Variants in ADAMTS15 observed in about 807,000 individuals in gnomAD.
ADAMTS15 encodes ADAM metallopeptidase with thrombospondin type 1 motif 15.
In ADAMTS15, 35 loss-of-function variants were observed where a neutral mutation model predicts 79.1. The ratio of observed to expected loss-of-function variants is 0.44; its 90% CI spans 0.34 to 0.59. The LOEUF is 0.59. Among genes scored for constraint, ADAMTS15 ranks in the 20% least tolerant of loss-of-function variants. The probability of loss-of-function intolerance (pLI) is 0.02; values close to 1 mark genes in which losing one functional copy is unlikely to be tolerated. For missense variants in ADAMTS15, 1,324 were observed against 1,318.7 expected, an observed-to-expected ratio of 1.00 and a Z score of -0.06; for synonymous variants, 616 against 567.3, an observed-to-expected ratio of 1.09 and a Z score of -1.22.
chr11:130,455,507 G>T (rs944507274), intron 1 of ADAMTS15, among the ~76,000 whole-genome samples: 3 of 152,230 alleles, frequency 2.0e-5, no homozygotes, highest in African/African-American at 7.2e-5. Flanking sequence ...GTAGGTGATT[G>T]TGGAAGGAAG....
At chr11:130,452,505 G>T (rs896925956) in intron 1 of ADAMTS15, among the ~76,000 whole-genome samples, 10 of 152,334 alleles carry the variant, frequency 6.6e-5, no homozygotes, top group African/African-American at 2.4e-4. Context: ...CCGAGACTTG[G>T]TAGGCCCTCC....
Position 130,449,496 on chromosome 11 carries a change from G to C in ADAMTS15, c.523G>C (p.Gly175Arg). The C allele has an allele frequency of 6.4e-7, 1 of 1,556,608 alleles. No individual in the cohort carries two copies. The highest frequency in any genetic ancestry group is 1.4e-5 in the African/African-American group (1 of 73,966). Residue 175 changes from glycine to arginine, a missense_variant, in exon 1 of 8, where the codon GGG becomes CGG. Gly to Arg is a moderately radical substitution (Grantham distance 125, BLOSUM62 -2). Coordinates refer to ENST00000299164, the MANE Select transcript of ADAMTS15 (RefSeq NM_139055.4). The surrounding 1 kb of genome is among the most constrained non-coding windows in gnomAD (Gnocchi z 7.8). Reference protein sequence around the residue: ...GPSGDPTSRCGVASGWNPAIL... With the variant: ...GPSGDPTSRCRVASGWNPAIL... ...TTCCGGAGACCCCACCTCTCGCTGC[G>C]GGGTGGCCTCGGGCTGGAACCCCGC... is the stretch of plus-strand genomic sequence containing the variant.
chr11:130,474,925 T>G lies in ADAMTS15; in HGVS notation c.*1104T>G, dbSNP rs1938547370. 6.6e-6 allele frequency: 1 copy of G among 152,318 alleles called. No homozygotes were observed. Among genetic ancestry groups the G allele is most frequent in the Admixed American group, 6.5e-5 (1 of 15,292 alleles). 9.4% of individuals were successfully genotyped at this position (152,318 alleles called of 1,614,324 possible). A position where few individuals can be genotyped will look rare whatever the true frequency, so the allele number is the denominator to read the frequency against. The stretch of plus-strand genomic sequence containing the variant: ...GCTGAACATCTATGTGCCTATAAAC[T>G]CGTCTTCGTTCCAAACAGCTACTGC... On this transcript the variant is annotated 3_prime_UTR_variant, in exon 8 of 8. Coordinates refer to ENST00000299164, the MANE Select transcript of ADAMTS15 (RefSeq NM_139055.4).
intron 4 of ADAMTS15, among the ~76,000 whole-genome samples, chr11:130,467,431 C>T (rs767123023): frequency 7.2e-5 from 11 of 152,064 alleles, no homozygotes; most frequent in Admixed American, 1.3e-4. Context: ...GGTGGAAGGA[C>T]GGCGGTGGTG....
chr11:130,452,540 T>C (rs531048822), intron 1 of ADAMTS15, among the ~76,000 whole-genome samples: 98 of 152,378 alleles, frequency 6.4e-4, no homozygotes, highest in African/African-American at 2.3e-3. Flanking sequence ...CTTCTCTGTC[T>C]TTAGGTCCAA....
At position 130,448,921 on chromosome 11, in the gene ADAMTS15, G is replaced by T; in HGVS notation, c.-53G>T. On this transcript the variant is annotated 5_prime_UTR_variant, in exon 1 of 8. Coordinates refer to ENST00000299164, the MANE Select transcript of ADAMTS15 (RefSeq NM_139055.4). ...CTGCACGGAGACCGCGGCAGCGGCC[G>T]GAGAGCCCGGCCCAGCCCCTTCCCA... 13 of 1,363,556 alleles carry T rather than the reference G, an allele frequency of 9.5e-6. No individual in the cohort carries two copies. The highest frequency in any genetic ancestry group is 1.2e-5 in the Non-Finnish European group (13 of 1,041,362). 84.5% of individuals were successfully genotyped at this position (1,363,556 alleles called of 1,614,324 possible).
At chr11:130,459,438 T>A (rs1389760273) in intron 1 of ADAMTS15, among the ~76,000 whole-genome samples, 1 of 152,188 alleles carries the variant, frequency 6.6e-6, no homozygotes, top group African/African-American at 2.4e-5. Context: ...AGTGCTGGGA[T>A]TACAGGCATG....
intron 5 of ADAMTS15, among the ~76,000 whole-genome samples, chr11:130,470,209 T>TATATATATATATATAC (rs1491377478): frequency 3.3e-5 from 2 of 60,128 alleles, no homozygotes; most frequent in African/African-American, 1.9e-4. Flanking sequence ...TATATATATA[T>TATATATATATATATAC]GTATATATAT....
Position 130,473,332 on chromosome 11 carries a change from G to A in ADAMTS15, c.2364G>A (p.Lys788=). 6.2e-7 allele frequency: 1 copy of A among 1,612,996 alleles called. No individual in the cohort carries two copies. The highest frequency in any genetic ancestry group is 2.2e-5 in the East Asian group (1 of 44,868). ...PLTVEVLSVG[K]MTPPRVRYSF... ...CCGTGGAGGTCCTCTCCGTGGGGAA[G>A]ATGACACCGCCCCGGGTCCGCTACT... Residue 788 remains lysine, a synonymous_variant, in exon 8 of 8, where the codon AAG becomes AAA. Coordinates refer to ENST00000299164, the MANE Select transcript of ADAMTS15 (RefSeq NM_139055.4).
In ADAMTS15 at chr11:130,461,537, G is replaced by A; in HGVS notation, c.1006G>A (p.Gly336Ser). 1 of 1,614,174 alleles carries A rather than the reference G, an allele frequency of 6.2e-7. No homozygotes were observed. The highest frequency in any genetic ancestry group is 8.5e-7 in the Non-Finnish European group (1 of 1,180,034). ...TGACACCCTGGGCATGGCTGATGTG[G>A]GTACCATGTGTGACCCCAAGAGAAG... ...TCDTLGMADV[G>S]TMCDPKRSCS... is the part of the protein sequence containing the mutation. Residue 336 changes from glycine to serine, a missense_variant, in exon 2 of 8, where the codon GGT becomes AGT. Physicochemically the swap from Gly to Ser is moderately conservative, Grantham distance 56. Transcript: ENST00000299164.
At position 130,474,042 on chromosome 11, in the gene ADAMTS15, C is replaced by T; in HGVS notation, c.*221C>T. The T allele has an allele frequency of 3.4e-6, 2 of 585,956 alleles. No individual in the cohort carries two copies. The highest frequency in any genetic ancestry group is 5.6e-6 in the Non-Finnish European group (2 of 358,490). 36.3% of individuals were successfully genotyped at this position (585,956 alleles called of 1,614,324 possible). On this transcript the variant is annotated 3_prime_UTR_variant, in exon 8 of 8. Coordinates refer to ENST00000299164, the MANE Select transcript of ADAMTS15 (RefSeq NM_139055.4). ...CCCGCACAGTCTACCTCAGGCCCCG[C>T]TCCTCGGGCCGGTTGCGGGGAGAGG...
At chr11:130,452,947 C>T (rs1186408471) in intron 1 of ADAMTS15, among the ~76,000 whole-genome samples, 1 of 150,624 alleles carries the variant, frequency 6.6e-6, no homozygotes, top group Non-Finnish European at 1.5e-5. Context: ...TGCCACTGCA[C>T]TGCAGCCTGG....
chr11:130,462,668 A>T lies in ADAMTS15; in HGVS notation c.1430A>T (p.Gln477Leu). 6.2e-7 allele frequency: 1 copy of T among 1,613,628 alleles called. No homozygotes were observed. The highest frequency in any genetic ancestry group is 8.5e-7 in the Non-Finnish European group (1 of 1,179,630). ...KLWCTGKAKG[Q>L]MVCQTRHFPW... ...TGGTGCACCGGGAAGGCCAAGGGAC[A>T]GATGGTGTGCCAGACCCGCCACTTC... Residue 477 changes from glutamine (Q) to leucine (L), a missense_variant, in exon 4 of 8, where the codon CAG becomes CTG. Gln to Leu is a moderately radical substitution (Grantham distance 113, BLOSUM62 -2). Transcript: ENST00000299164. This position sits in a 1 kb window ranked among gnomAD's most constrained non-coding sequence, Gnocchi z 4.3.
chr11:130,461,673 TG>T (rs1565394101), intron 2 of ADAMTS15, 52 bp downstream of exon 2: 1 of 1,607,670 alleles, frequency 6.2e-7, no homozygotes, highest in Admixed American at 1.7e-5. Flanking sequence ...CTGGGGAGCC[TG>T]GAGGGTGGGA....
intron 2 of ADAMTS15, 124 bp from the exon 3 acceptor site, chr11:130,461,963 G>A (rs966462424): frequency 1.7e-5 from 19 of 1,135,330 alleles, no homozygotes; most frequent in African/African-American, 1.5e-4. Context: ...GCAGTCTGTC[G>A]ATAGTTGGCA....
At chr11:130,460,715 C>T (rs1459217511) in intron 1 of ADAMTS15, among the ~76,000 whole-genome samples, 1 of 152,190 alleles carries the variant, frequency 6.6e-6, no homozygotes, top group Non-Finnish European at 1.5e-5. Context: ...CCCCGGAAGC[C>T]CTATCCTGCC....
rs945046408 is a variant in ADAMTS15, at chr11:130,462,605, C to T, written c.1367C>T (p.Ser456Phe). The T allele has an allele frequency of 1.9e-6, 3 of 1,613,916 alleles. No individual in the cohort carries two copies. Among genetic ancestry groups the T allele is most frequent in the Non-Finnish European group, 2.5e-6 (3 of 1,179,908 alleles). Residue 456 changes from serine to phenylalanine, a missense_variant, in exon 4 of 8, where the codon TCC becomes TTC. Ser to Phe is a radical substitution (Grantham distance 155, BLOSUM62 -2). Coordinates refer to ENST00000299164, the MANE Select transcript of ADAMTS15 (RefSeq NM_139055.4). The surrounding 1 kb of genome is among the most constrained non-coding windows in gnomAD (Gnocchi z 4.3). ...TGCGAGCTGGCTTTTGGCGTGGGCT[C>T]CAAGCCCTGTCCTTACATGCAGTAC... is the stretch of plus-strand genomic sequence containing the variant. ...QQCELAFGVG[S>F]KPCPYMQYCT...
At chr11:130,454,799 A>C (rs191830093) in intron 1 of ADAMTS15, among the ~76,000 whole-genome samples, 159 of 152,300 alleles carry the variant, frequency 1.0e-3, no homozygotes, top group African/African-American at 3.8e-3. Flanking sequence ...TAATGTCAGC[A>C]GATGGGGGAG....
At chr11:130,464,729 G>A (rs1938267371) in intron 4 of ADAMTS15, among the ~76,000 whole-genome samples, 1 of 152,130 alleles carries the variant, frequency 6.6e-6, no homozygotes, top group African/African-American at 2.4e-5. Flanking sequence ...CACTTTGGGA[G>A]GCTGAGGCAA....
Sources: gnomAD v4.1 joint callset for allele counts (sites outside exome capture counted in the v4.1 genomes callset) on GRCh38, gnomAD v4.1.1 for gene constraint, Gnocchi (gnomAD v3.1) non-coding constraint, MANE v1.5 for transcripts, NCBI Gene and HGNC (gene_info 2026-07-23, HGNC 2026-07-21) for gene names.